FSHR: variants seen among roughly 807,000 people sequenced by gnomAD.
FSHR encodes follicle stimulating hormone receptor, also known as follicle-stimulating hormone receptor.
A neutral mutation model predicts 52.1 loss-of-function variants in FSHR; 46 were observed. That is an observed-to-expected ratio of 0.88 (90% CI 0.70 to 1.13). The LOEUF is 1.13. Ranked by LOEUF, FSHR falls within the 50% of genes most tolerant of loss-of-function variation. The pLI is 0.00. For synonymous variants in FSHR, 399 were observed against 309.6 expected (o/e 1.29, Z -3.03); for missense variants, 964 against 834.6 (o/e 1.16, Z -1.91).
At chr2:48,974,952 ACT>A (rs1674919969) in intron 8 of FSHR, among the ~76,000 whole-genome samples, 1 of 151,942 alleles carries the variant, frequency 6.6e-6, no homozygotes, top group Non-Finnish European at 1.5e-5. Context: ...TTATGAAAAC[ACT>A]CTCCATTTTT....
rs141646960 is a variant in FSHR, at chr2:49,045,098, T to C, written c.224+23121A>G. 1.5e-3 allele frequency among the ~76,000 whole-genome samples: 231 copies of C among 152,354 alleles called. 2 individuals carry two copies. Among genetic ancestry groups the C allele is most frequent in the African/African-American group, 5.2e-3 (216 of 41,578 alleles). On this transcript the variant is annotated intron_variant, in intron 2 of 9. Transcript: ENST00000406846. ...AAGGGAATATGAAAAGTGTTTTTTT[T>C]CCCCATAATCTATCATTTGGCTAAT...
intron 2 of FSHR, among the ~76,000 whole-genome samples, chr2:49,057,002 C>G (rs2104315933): frequency 6.6e-6 from 1 of 151,946 alleles, no homozygotes; most frequent in Non-Finnish European, 1.5e-5. Context: ...ATGGGATGAG[C>G]AAAAGCAGAA....
At chr2:49,064,421 C>G (rs1669430172) in intron 2 of FSHR, among the ~76,000 whole-genome samples, 1 of 152,050 alleles carries the variant, frequency 6.6e-6, no homozygotes, top group African/African-American at 2.4e-5. Context: ...CTCTCTTCTC[C>G]TCTTCTGCCA....
chr2:49,095,044 A>G (rs1670770250), intron 1 of FSHR, among the ~76,000 whole-genome samples: 1 of 152,156 alleles, frequency 6.6e-6, no homozygotes, highest in South Asian at 2.1e-4. Flanking sequence ...CCTAGATGAA[A>G]TGGACAAATT....
At chr2:49,021,886 T>TATATATAGAGAGAGAGAGAG (rs1273265515) in intron 2 of FSHR, among the ~76,000 whole-genome samples, 1 of 25,126 alleles carries the variant, frequency 4.0e-5, no homozygotes, top group Non-Finnish European at 7.3e-5. Flanking sequence ...TATATATATA[T>TATATATAGAGAGAGAGAGAG]AGAGAGAGAG....
chr2:48,990,382 A>C (rs922154892), intron 5 of FSHR, among the ~76,000 whole-genome samples, 184 bp downstream of exon 5: 1 of 152,144 alleles, frequency 6.6e-6, no homozygotes, highest in South Asian at 2.1e-4. Flanking sequence ...GTTTCCTCCA[A>C]ACTAATATTG....
intron 1 of FSHR, among the ~76,000 whole-genome samples, chr2:49,127,936 A>G (rs538023138): frequency 7.5e-6 from 1 of 132,858 alleles, no homozygotes; most frequent in East Asian, 2.3e-4. Context: ...TCTGTTCCCT[A>G]GGCTGGAGTG....
At chr2:48,990,111 C>G (rs1490983431) in intron 5 of FSHR, among the ~76,000 whole-genome samples, 1 of 151,998 alleles carries the variant, frequency 6.6e-6, no homozygotes, top group East Asian at 1.9e-4. Context: ...CTTCCTTTTT[C>G]AAAATACAAA....
intron 1 of FSHR, among the ~76,000 whole-genome samples, chr2:49,151,511 G>A (rs768218396): frequency 9.2e-5 from 14 of 152,006 alleles, no homozygotes; most frequent in African/African-American, 3.4e-4. Flanking sequence ...GCAATCTTTC[G>A]TGATAGCTGG....
At chr2:49,114,875 T>G (rs1671545774) in intron 1 of FSHR, among the ~76,000 whole-genome samples, 1 of 151,952 alleles carries the variant, frequency 6.6e-6, no homozygotes, top group Non-Finnish European at 1.5e-5. Context: ...TGTGGTAGAA[T>G]CAATGTGGTA....
rs184966407 is a variant in FSHR, at chr2:49,079,546, A to G, written c.153-11256T>C. The stretch of plus-strand genomic sequence containing the variant: ...TATTATGATATCGACAGGGATTTAA[A>G]AAAATAGACCAATGGAAGAAAATAA... On this transcript the variant is annotated intron_variant, in intron 1 of 9. Coordinates refer to ENST00000406846, the MANE Select transcript of FSHR (RefSeq NM_000145.4). 3.8e-3 allele frequency among the ~76,000 whole-genome samples: 573 copies of G among 152,290 alleles called. 2 individuals carry two copies. Among genetic ancestry groups the G allele is most frequent in the Middle Eastern group, 0.031 (9 of 294 alleles).
chr2:49,064,073 T>TGTGC (rs1456185170), intron 2 of FSHR, among the ~76,000 whole-genome samples: 3 of 148,996 alleles, frequency 2.0e-5, no homozygotes, highest in Admixed American at 6.6e-5. Context: ...TGTGTGTGTG[T>TGTGC]GTGTGTGTGT....
At chr2:49,146,320 A>G (rs1672867004) in intron 1 of FSHR, among the ~76,000 whole-genome samples, 2 of 152,190 alleles carry the variant, frequency 1.3e-5, no homozygotes, top group South Asian at 4.1e-4. Context: ...CAGAAAGTCT[A>G]GTGCTCAAGG....
chr2:48,987,191 T>C (rs1046306044), intron 6 of FSHR, among the ~76,000 whole-genome samples: 2 of 151,798 alleles, frequency 1.3e-5, no homozygotes, highest in African/African-American at 4.8e-5. Context: ...TTATTATTTT[T>C]ATTTATTTTA....
chr2:49,118,225 A>T (rs1445473590), intron 1 of FSHR, among the ~76,000 whole-genome samples: 1 of 152,064 alleles, frequency 6.6e-6, no homozygotes, highest in African/African-American at 2.4e-5. Flanking sequence ...TGTATTCCCA[A>T]GGAGGAAAGG....
chr2:49,073,017 G>C (rs1411441581), intron 1 of FSHR, among the ~76,000 whole-genome samples: 1 of 151,974 alleles, frequency 6.6e-6, no homozygotes, highest in Non-Finnish European at 1.5e-5. Context: ...CAGAAATATA[G>C]ATAAAGGCAT....
intron 6 of FSHR, among the ~76,000 whole-genome samples, chr2:48,986,480 T>C (rs924955203): frequency 2.7e-5 from 4 of 149,356 alleles, no homozygotes; most frequent in Admixed American, 6.8e-5. Context: ...CTAGAAACGA[T>C]TGGAGACTTA....
intron 1 of FSHR, among the ~76,000 whole-genome samples, chr2:49,071,567 T>C (rs1238564892): frequency 6.6e-6 from 1 of 152,162 alleles, no homozygotes; most frequent in Non-Finnish European, 1.5e-5. Flanking sequence ...CAAGAAGGAA[T>C]AGTGAATGAA....
intron 1 of FSHR, among the ~76,000 whole-genome samples, chr2:49,082,184 G>T (rs1382101319): frequency 6.6e-6 from 1 of 152,118 alleles, no homozygotes; most frequent in East Asian, 1.9e-4. Flanking sequence ...TCCTCAAGTG[G>T]GTCCCTGACC....
Sources: gnomAD v4.1 joint callset for allele counts (sites outside exome capture counted in the v4.1 genomes callset) on GRCh38, gnomAD v4.1.1 for gene constraint, MANE v1.5 for transcripts, NCBI Gene and HGNC (gene_info 2026-07-23, HGNC 2026-07-21) for gene names.